TLCD3B: variants seen among roughly 807,000 people sequenced by gnomAD.
TLCD3B encodes the protein TLC domain containing 3B.
Under a neutral mutation model 23.0 loss-of-function variants are expected in TLCD3B, and 9 were observed. That is an observed-to-expected ratio of 0.39 (90% CI 0.24 to 0.68). The LOEUF is 0.68. TLCD3B is among the 30% of genes least tolerant of loss of function. The pLI is 0.44. For missense variants in TLCD3B, 307 were observed against 371.8 expected (o/e 0.83, Z 1.43); for synonymous variants, 161 against 161.0 (o/e 1.00, Z 0.00).
At chr16:30,036,869 G>A (rs947121517) in intron 3 of TLCD3B, among the ~76,000 whole-genome samples, 1 of 151,982 alleles carries the variant, frequency 6.6e-6, no homozygotes. Context: ...TGGGTCACCT[G>A]CGGTCAGGAG....
chr16:30,045,369 T>G (rs2071650761), intron 2 of TLCD3B, among the ~76,000 whole-genome samples: 1 of 111,462 alleles, frequency 9.0e-6, no homozygotes, highest in Non-Finnish European at 1.9e-5. Context: ...GTGTGTGTGG[T>G]TTGTGTGTGT....
At chr16:30,050,966 GTC>G (rs1488716266) in intron 1 of TLCD3B, among the ~76,000 whole-genome samples, 1 of 152,170 alleles carries the variant, frequency 6.6e-6, no homozygotes, top group East Asian at 1.9e-4. Context: ...GTGTGCAAGT[GTC>G]TGTGTGTGTG....
intron 3 of TLCD3B, among the ~76,000 whole-genome samples, chr16:30,039,105 T>TAA (rs1567307348): frequency 3.1e-5 from 4 of 127,106 alleles, no homozygotes; most frequent in East Asian, 2.2e-4. Context: ...CTTCCTCTCT[T>TAA]TTTTTTTTTT....
In TLCD3B at chr16:30,025,029, C is replaced by A; in HGVS notation, c.*154G>T. On this transcript the variant is annotated 3_prime_UTR_variant, in exon 5 of 5. Transcript: ENST00000380495. This position sits in a 1 kb window ranked among gnomAD's most constrained non-coding sequence, Gnocchi z 4.1. ...GGTCCCCTCTCTCCACCCCCTCAGT[C>A]CCCGAGAGATGGGGCCTCTTCCCTT... is the stretch of plus-strand genomic sequence containing the variant. 1.8e-6 allele frequency: 1 copy of A among 570,232 alleles called. No individual in the cohort carries two copies. The highest frequency in any genetic ancestry group is 3.0e-6 in the Non-Finnish European group (1 of 333,612). 35.3% of individuals were successfully genotyped at this position (570,232 alleles called of 1,614,324 possible). A position where few individuals can be genotyped will look rare whatever the true frequency, so the allele number is the denominator to read the frequency against.
intron 2 of TLCD3B, among the ~76,000 whole-genome samples, chr16:30,044,849 G>A (rs911180543): frequency 6.6e-5 from 10 of 152,016 alleles, no homozygotes; most frequent in East Asian, 1.9e-4. Flanking sequence ...GGAGGCCGGC[G>A]GGCGGCGGGG....
rs1326621149 is a variant in TLCD3B, at chr16:30,027,781, G to A, written c.210-938C>T. The A allele has an allele frequency of 5.4e-5, 22 of 410,856 alleles. No homozygotes were observed. In the East Asian group the frequency reaches 1.5e-3, roughly 28 times the overall value. 25.5% of individuals were successfully genotyped at this position (410,856 alleles called of 1,614,324 possible). A position where few individuals can be genotyped will look rare whatever the true frequency, so the allele number is the denominator to read the frequency against. ...ATCCTGTAGTCCCAAGACTGGCCTG[G>A]GGTGGGGGCAGGAGGTCAGAGAGGC... is the stretch of plus-strand genomic sequence containing the variant. On this transcript the variant is annotated intron_variant, in intron 2 of 4. Coordinates refer to ENST00000380495, the MANE Select transcript of TLCD3B (RefSeq NM_031478.6).
At position 30,030,155 on chromosome 16, in the gene TLCD3B, G is replaced by A. The variant is rs1005468965; in HGVS notation, c.125+248C>T. 1.2e-5 allele frequency: 18 copies of A among 1,483,260 alleles called. No homozygotes were observed. The African/African-American group carries it at 1.5e-4, about 13-fold the overall frequency. The allele number at this position is 1,483,260 out of a possible 1,614,324, so 91.9% of individuals were successfully genotyped here. ...GCTGGCCCTGTTTTGGAGGGTGGGA[G>A]GGTGTACGGGGAAGAAGAGAGAGGC... On this transcript the variant is annotated intron_variant, in intron 1 of 4. Coordinates refer to ENST00000380495, the MANE Select transcript of TLCD3B (RefSeq NM_031478.6).
chr16:30,031,916 G>A (rs1470568109), upstream of TLCD3B, among the ~76,000 whole-genome samples: 2 of 152,184 alleles, frequency 1.3e-5, no homozygotes, highest in East Asian at 1.9e-4. Context: ...AAGGGGAAAC[G>A]GTGGCGAGAG....
At chr16:30,026,928 A>T in intron 2 of TLCD3B, 85 bp from the exon 3 acceptor site, 1 of 1,160,234 alleles carries the variant, frequency 8.6e-7, no homozygotes, top group Admixed American at 2.0e-5. Context: ...TCAGCACAGC[A>T]GCCCTGGACA....
chr16:30,037,346 T>C (rs1219539874), intron 3 of TLCD3B, among the ~76,000 whole-genome samples: 9 of 151,464 alleles, frequency 5.9e-5, no homozygotes, highest in Admixed American at 5.3e-4. Flanking sequence ...ATCGAGACCA[T>C]CCTGGCTAAC....
At chr16:30,049,798 G>A (rs1458156363) in intron 1 of TLCD3B, among the ~76,000 whole-genome samples, 1 of 152,004 alleles carries the variant, frequency 6.6e-6, no homozygotes, top group Admixed American at 6.6e-5. Flanking sequence ...GGTGGCATGC[G>A]TCTGTAATCC....
upstream of TLCD3B, chr16:30,033,655 A>C (rs1315407973): frequency 6.6e-6 from 1 of 152,158 alleles, no homozygotes; most frequent in African/African-American, 2.4e-5. Flanking sequence ...TTAGTTACTT[A>C]TCAGTATTCA....
At chr16:30,047,197 C>T (rs1311274568) in intron 1 of TLCD3B, among the ~76,000 whole-genome samples, 3 of 152,082 alleles carry the variant, frequency 2.0e-5, no homozygotes, top group Non-Finnish European at 4.4e-5. Flanking sequence ...ATCTATCTAG[C>T]GCAATCTCGG....
chr16:30,026,869 G>T (rs750794691), intron 2 of TLCD3B, 26 bp from the exon 3 acceptor site: 1 of 1,594,680 alleles, frequency 6.3e-7, no homozygotes, highest in Non-Finnish European at 8.6e-7. Flanking sequence ...ACGGGGTGGG[G>T]GAGCAAGGAG....
At chr16:30,043,796 G>A (rs759375639) in intron 2 of TLCD3B, among the ~76,000 whole-genome samples, 8 of 152,066 alleles carry the variant, frequency 5.3e-5, no homozygotes, top group Admixed American at 1.3e-4. Context: ...TGATCCTCCT[G>A]CCTCAGCCTC....
At chr16:30,030,331 G>A in intron 1 of TLCD3B, 72 bp downstream of exon 1, 1 of 1,424,098 alleles carries the variant, frequency 7.0e-7, no homozygotes, top group South Asian at 1.3e-5. Context: ...GTCCAGAGAA[G>A]TGCCAGGTCC....
In TLCD3B at chr16:30,025,886, C is replaced by G; in HGVS notation, c.445-65G>C. ...CCTGGGTTCTTGGGCAGCCCCCGCC[C>G]TTCCTCTTTCCCCTCTGTCACTTTG... is the stretch of plus-strand genomic sequence containing the variant. On this transcript the variant is annotated intron_variant, in intron 3 of 4. Transcript: ENST00000380495. This position sits in a 1 kb window ranked among gnomAD's most constrained non-coding sequence, Gnocchi z 4.1. 8.0e-7 allele frequency: 1 copy of G among 1,255,264 alleles called. No individual in the cohort carries two copies. The highest frequency in any genetic ancestry group is 1.2e-6 in the Non-Finnish European group (1 of 865,378). 77.8% of individuals were successfully genotyped at this position (1,255,264 alleles called of 1,614,324 possible). A position where few individuals can be genotyped will look rare whatever the true frequency, so the allele number is the denominator to read the frequency against.
At chr16:30,050,034 G>A (rs148948277) in intron 1 of TLCD3B, among the ~76,000 whole-genome samples, 34 of 152,284 alleles carry the variant, frequency 2.2e-4, no homozygotes, top group Admixed American at 1.3e-4. Context: ...GGCACTGCCC[G>A]TGCTCCTGCA....
At chr16:30,038,536 G>A (rs1004464349) in intron 3 of TLCD3B, among the ~76,000 whole-genome samples, 1 of 152,190 alleles carries the variant, frequency 6.6e-6, no homozygotes, top group Admixed American at 6.5e-5. Context: ...CAGATCACAA[G>A]GTCAGGAGTT....
Sources: allele counts gnomAD v4.1 joint callset (sites outside exome capture counted in the v4.1 genomes callset), GRCh38; gene constraint gnomAD v4.1.1; non-coding constraint Gnocchi (gnomAD v3.1); transcripts MANE v1.5; gene names NCBI Gene and HGNC (gene_info 2026-07-23, HGNC 2026-07-21).